Variants in TLK2 observed in about 807,000 individuals in gnomAD.
The protein encoded by TLK2 is tousled like kinase 2.
TLK2 carries 6 observed loss-of-function variants against 117.3 expected under a neutral mutation model. That is an observed-to-expected ratio of 0.05 (90% CI 0.03 to 0.10). TLK2 has a LOEUF of 0.10. Ranked by LOEUF, TLK2 falls within the 10% of genes least tolerant of loss-of-function variation. TLK2 has a pLI of 1.00. For missense variants in TLK2, 299 were observed against 901.2 expected (o/e 0.33, Z 8.56); for synonymous variants, 257 against 316.7 (o/e 0.81, Z 2.00).
intron 16 of TLK2, among the ~76,000 whole-genome samples, chr17:62,595,953 T>G (rs1390338540): frequency 2.0e-5 from 3 of 152,180 alleles, no homozygotes; most frequent in African/African-American, 7.2e-5. Flanking sequence ...ACCGTCCTTG[T>G]TATTTTAAAA....
intron 2 of TLK2, chr17:62,508,451 G>A: frequency 8.2e-6 from 8 of 976,982 alleles, no homozygotes; most frequent in Non-Finnish European, 9.7e-6. Flanking sequence ...TATGCAAGAA[G>A]AAATAAATAC....
At chr17:62,539,032 A>G (rs2077315935) in intron 7 of TLK2, among the ~76,000 whole-genome samples, 1 of 152,212 alleles carries the variant, frequency 6.6e-6, no homozygotes, top group African/African-American at 2.4e-5. Context: ...GCAAATTGGC[A>G]AGGATTAATA....
intron 2 of TLK2, among the ~76,000 whole-genome samples, chr17:62,482,730 G>A (rs980757656): frequency 6.6e-6 from 1 of 152,124 alleles, no homozygotes; most frequent in Non-Finnish European, 1.5e-5. Context: ...AGGATTACAG[G>A]CATGAGCCAC....
At position 62,549,418 on chromosome 17, in the gene TLK2, A is replaced by AAAAAAAAAAAAAAAAAAG. The variant is rs2078232039; in HGVS notation, c.532-2867_532-2866insGAAAAAAAAAAAAAAAAA. 3.4e-3 allele frequency among the ~76,000 whole-genome samples: 29 copies of AAAAAAAAAAAAAAAAAAG among 8,534 alleles called. 6 individuals carry two copies. Among genetic ancestry groups the AAAAAAAAAAAAAAAAAAG allele is most frequent in the Non-Finnish European group, 0.016 (26 of 1,620 alleles). The allele number at this position is 8,534 out of a possible 152,430, so 5.6% of individuals were successfully genotyped here. ...CATCTCAAAAAAAAAAAAAAAAAAA[A>AAAAAAAAAAAAAAAAAAG]AAAAAAAAAAAAAAAAAAATAGAAA... On this transcript the variant is annotated intron_variant, in intron 7 of 21. Transcript: ENST00000346027.
chr17:62,486,006 G>T (rs2072321373), intron 2 of TLK2, among the ~76,000 whole-genome samples: 1 of 151,826 alleles, frequency 6.6e-6, no homozygotes, highest in African/African-American at 2.4e-5. Context: ...ATTTTTAGTA[G>T]AGACGGGGTT....
rs772093868 is a variant in TLK2 at position 62,608,115 on chromosome 17, C to T, written c.2046C>T (p.Phe682=). 3.1e-6 allele frequency: 5 copies of T among 1,613,984 alleles called. No individual in the cohort carries two copies. The South Asian group carries it at 5.5e-5, about 18-fold the overall frequency. ...NTILKATEVQ[F]PPKPVVTPEA... ...TTCTTAAAGCTACTGAAGTGCAGTTCCCGCCAAAGCCAGTAGTAACACCTG... is the reference window on the plus strand; with the variant it reads ...TTCTTAAAGCTACTGAAGTGCAGTTTCCGCCAAAGCCAGTAGTAACACCTG... The change falls in exon 21 of 22, where the codon TTC becomes TTT. Residue 682 remains phenylalanine, a synonymous_variant. Transcript: ENST00000346027.
chr17:62,565,651 CAAA>C (rs5821367), intron 11 of TLK2, among the ~76,000 whole-genome samples: 2 of 101,174 alleles, frequency 2.0e-5, no homozygotes, highest in Non-Finnish European at 1.9e-5. Context: ...GACTCCATCT[CAAA>C]AAAAAAAAAA....
Position 62,522,234 on chromosome 17 carries a change from A to C in TLK2, c.184A>C (p.Asn62His). The change falls in exon 4 of 22, where the codon AAT becomes CAT. Residue 62 changes from asparagine (N) to histidine (H), a missense_variant. Physicochemically the swap from Asn to His is moderately conservative, Grantham distance 68. Coordinates refer to ENST00000346027, the MANE Select transcript of TLK2 (RefSeq NM_006852.6). ...TPEKKQNDQR[N>H]RKRKAEPYET... Reference sequence around the variant, plus strand: ...CGAGAAAAAGCAGAATGACCAGCGAAATCGGAAAAGAAAAGCTGAACCATA... The same window carrying C: ...CGAGAAAAAGCAGAATGACCAGCGACATCGGAAAAGAAAAGCTGAACCATA... 6.2e-7 allele frequency: 1 copy of C among 1,613,662 alleles called. No homozygotes were observed. Among genetic ancestry groups the C allele is most frequent in the Non-Finnish European group, 8.5e-7 (1 of 1,179,832 alleles).
At chr17:62,561,398 T>C (rs1414382097) in intron 10 of TLK2, among the ~76,000 whole-genome samples, 1 of 152,210 alleles carries the variant, frequency 6.6e-6, no homozygotes, top group Non-Finnish European at 1.5e-5. Flanking sequence ...CCTGAGGAAT[T>C]GCGGGGTTTC....
intron 2 of TLK2, among the ~76,000 whole-genome samples, chr17:62,517,837 A>G (rs925218202): frequency 2.6e-5 from 4 of 152,112 alleles, no homozygotes; most frequent in African/African-American, 4.8e-5. Context: ...AGCTGGGACT[A>G]TTGGTGTGCA....
intron 14 of TLK2, among the ~76,000 whole-genome samples, chr17:62,579,245 C>G (rs2081039628): frequency 6.6e-6 from 1 of 152,130 alleles, no homozygotes; most frequent in African/African-American, 2.4e-5. Context: ...TGAGAGCTCT[C>G]TGTGTATCAG....
chr17:62,501,581 ATAC>A (rs1427542827), intron 2 of TLK2, among the ~76,000 whole-genome samples: 1 of 151,240 alleles, frequency 6.6e-6, no homozygotes, highest in Non-Finnish European at 1.5e-5. Context: ...AAATACAAAA[ATAC>A]TGGAAGAAAA....
chr17:62,484,338 C>G (rs1185776448), intron 2 of TLK2, among the ~76,000 whole-genome samples: 1 of 151,774 alleles, frequency 6.6e-6, no homozygotes, highest in East Asian at 1.9e-4. Context: ...CTCTTGTTGC[C>G]CAGGCTGGAG....
chr17:62,556,974 G>C (rs2078907814), intron 9 of TLK2, among the ~76,000 whole-genome samples: 4 of 152,234 alleles, frequency 2.6e-5, no homozygotes. Context: ...TGCCCAGGCT[G>C]GGTGCAGTGG....
intron 2 of TLK2, among the ~76,000 whole-genome samples, chr17:62,509,543 A>G (rs2074982628): frequency 2.0e-5 from 3 of 152,270 alleles, no homozygotes; most frequent in Admixed American, 2.0e-4. Flanking sequence ...ACAGCAGATT[A>G]TTCCTTTGTT....
intron 6 of TLK2, among the ~76,000 whole-genome samples, chr17:62,525,451 AT>A (rs397756034): frequency 0.34 from 47,170 of 139,140 alleles, 7,006 homozygotes; most frequent in Admixed American, 0.38. Flanking sequence ...TATATATGTA[AT>A]TTTTTTTTTT....
intron 2 of TLK2, among the ~76,000 whole-genome samples, chr17:62,487,919 G>A (rs1282652846): frequency 2.0e-5 from 3 of 149,114 alleles, no homozygotes; most frequent in East Asian, 2.0e-4. Flanking sequence ...CAGTGCGCCC[G>A]GCGGCAAGTA....
chr17:62,602,787 C>G (rs1343827268), intron 19 of TLK2, among the ~76,000 whole-genome samples: 1 of 152,226 alleles, frequency 6.6e-6, no homozygotes, highest in East Asian at 1.9e-4. Flanking sequence ...CAAGCTACCT[C>G]TGCCTGCCAG....
intron 16 of TLK2, among the ~76,000 whole-genome samples, chr17:62,588,901 A>G (rs1196508908): frequency 6.6e-6 from 1 of 152,232 alleles, no homozygotes. Flanking sequence ...ACTAAAAAGT[A>G]GTACACTTCA....
Sources: allele counts gnomAD v4.1 joint callset (sites outside exome capture counted in the v4.1 genomes callset), GRCh38; gene constraint gnomAD v4.1.1; transcripts MANE v1.5; gene names NCBI Gene and HGNC (gene_info 2026-07-23, HGNC 2026-07-21).